Variants in IL1RAPL2 observed in about 807,000 individuals in gnomAD.
IL1RAPL2 encodes X-linked interleukin-1 receptor accessory protein-like 2.
A neutral mutation model predicts 44.1 loss-of-function variants in IL1RAPL2; 3 were observed. That is an observed-to-expected ratio of 0.07 (90% CI 0.03 to 0.18). The LOEUF is 0.18. Ranked by LOEUF, IL1RAPL2 falls within the 10% of genes least tolerant of loss-of-function variation. The pLI is 1.00. For missense variants in IL1RAPL2, 391 were observed against 496.4 expected (o/e 0.79, Z 2.02); for synonymous variants, 181 against 178.8 (o/e 1.01, Z -0.10).
chrX:105,093,670 T>G (rs1346553703), intron 2 of IL1RAPL2, among the ~76,000 whole-genome samples: 1 of 111,486 alleles, frequency 9.0e-6, no homozygotes, highest in East Asian at 2.8e-4. Context: ...GGCAAAGGGT[T>G]TGGTACAGCC....
At chrX:105,083,802 G>A (rs1312815958) in intron 2 of IL1RAPL2, among the ~76,000 whole-genome samples, 2 of 112,193 alleles carry the variant, frequency 1.8e-5, no homozygotes, top group African/African-American at 3.2e-5. Flanking sequence ...CCTTAGAAGA[G>A]CTCCTGAAGG....
At chrX:105,048,187 G>A (rs1292161033) in intron 2 of IL1RAPL2, among the ~76,000 whole-genome samples, 1 of 111,966 alleles carries the variant, frequency 8.9e-6, no homozygotes, top group Non-Finnish European at 1.9e-5. Context: ...TTCCTCAAAA[G>A]ATATTAATGA....
chrX:105,129,149 G>T (rs145009543), intron 2 of IL1RAPL2, among the ~76,000 whole-genome samples: 52 of 110,756 alleles, frequency 4.7e-4, no homozygotes, highest in African/African-American at 1.6e-3. Context: ...ATAAACAAGA[G>T]AAACTTGTTT....
rs766615732 is a variant in IL1RAPL2 at position 105,755,341 on chromosome X, A to T, written c.1357A>T (p.Ser453Cys). Residue 453 changes from serine (S) to cysteine (C), a missense_variant, in exon 10 of 11, where the codon AGT (serine) becomes TGT (cysteine). Physicochemically the swap from Ser to Cys is moderately radical, Grantham distance 112. This residue lies in a region of IL1RAPL2 where 232 missense variants were observed against 244.8 expected (regional missense o/e 0.95). Transcript: ENST00000372582. ...LFIPERDLIP[S>C]GTYMEDLTRY... ...CATCCCAGAAAGAGACCTGATTCCA[A>T]GTGGAAGTAAGTACTTTCAAATTTT... The T allele has an allele frequency of 1.7e-6, 2 of 1,180,721 alleles. No individual in the cohort carries two copies. The highest frequency in any genetic ancestry group is 3.8e-5 in the South Asian group (2 of 52,729).
chrX:105,298,441 A>C (rs538900309), intron 5 of IL1RAPL2, among the ~76,000 whole-genome samples: 1 of 111,081 alleles, frequency 9.0e-6, no homozygotes, highest in African/African-American at 3.3e-5. Flanking sequence ...TTTGTCACCT[A>C]ATCAACTGAG....
intron 5 of IL1RAPL2, among the ~76,000 whole-genome samples, chrX:105,275,404 C>T (rs1301614399): frequency 8.9e-6 from 1 of 111,898 alleles, no homozygotes; most frequent in Non-Finnish European, 1.9e-5. Flanking sequence ...ATAACATCAA[C>T]AGTTGAAATA....
chrX:105,459,340 C>T (rs758436804), intron 5 of IL1RAPL2, among the ~76,000 whole-genome samples: 20 of 111,508 alleles, frequency 1.8e-4, no homozygotes, highest in Non-Finnish European at 3.2e-4. Context: ...TAATATTTCT[C>T]TCATATGTAC....
intron 6 of IL1RAPL2, among the ~76,000 whole-genome samples, chrX:105,607,375 A>G (rs1251018808): frequency 9.2e-6 from 1 of 108,571 alleles, no homozygotes; most frequent in Non-Finnish European, 1.9e-5. Flanking sequence ...CATTTATTTC[A>G]TAACAAATGG....
chrX:105,731,338 G>T (rs902312609), intron 7 of IL1RAPL2, among the ~76,000 whole-genome samples: 1 of 110,138 alleles, frequency 9.1e-6, no homozygotes, highest in Non-Finnish European at 1.9e-5. Flanking sequence ...AAGTGAACCC[G>T]AACAGACCAA....
chrX:104,916,807 T>C (rs1272952470), intron 2 of IL1RAPL2, among the ~76,000 whole-genome samples: 1 of 111,597 alleles, frequency 9.0e-6, no homozygotes, highest in Non-Finnish European at 1.9e-5. Context: ...AAAGGCCTTT[T>C]CTGCATCTAT....
At chrX:104,909,538 C>T (rs1449372134) in intron 2 of IL1RAPL2, among the ~76,000 whole-genome samples, 4 of 111,680 alleles carry the variant, frequency 3.6e-5, no homozygotes, top group Non-Finnish European at 7.5e-5. Flanking sequence ...GATGTCCTTT[C>T]TGTTTGTTAG....
At chrX:104,904,248 T>TAC (rs953363792) in intron 2 of IL1RAPL2, among the ~76,000 whole-genome samples, 41 of 109,443 alleles carry the variant, frequency 3.7e-4, no homozygotes, top group Middle Eastern at 4.7e-3. Flanking sequence ...TATATATGCA[T>TAC]ACACACACAC....
intron 6 of IL1RAPL2, among the ~76,000 whole-genome samples, chrX:105,655,529 C>T (rs2037671606): frequency 1.8e-5 from 2 of 112,319 alleles, no homozygotes. Flanking sequence ...ACAGTCTTAG[C>T]CTATTTTGCA....
intron 2 of IL1RAPL2, among the ~76,000 whole-genome samples, chrX:105,054,681 G>A (rs949974330): frequency 2.7e-5 from 3 of 112,173 alleles, no homozygotes; most frequent in Middle Eastern, 4.6e-3. Context: ...TTAGATACAC[G>A]TGGCTAGTAG....
At chrX:104,972,658 G>A (rs1245485496) in intron 2 of IL1RAPL2, among the ~76,000 whole-genome samples, 2 of 111,953 alleles carry the variant, frequency 1.8e-5, no homozygotes, top group South Asian at 3.8e-4. Flanking sequence ...CTGGATTAGA[G>A]TAATTGGGAG....
intron 2 of IL1RAPL2, among the ~76,000 whole-genome samples, chrX:104,704,009 T>A (rs1602688550): frequency 1.0e-5 from 1 of 100,234 alleles, no homozygotes; most frequent in South Asian, 4.5e-4. Flanking sequence ...CCCAGAAATC[T>A]GGGGACTTAC....
intron 5 of IL1RAPL2, among the ~76,000 whole-genome samples, chrX:105,446,166 C>T (rs2035952925): frequency 9.0e-6 from 1 of 111,615 alleles, no homozygotes; most frequent in African/African-American, 3.2e-5. Flanking sequence ...TCTTCTTACA[C>T]TTTTTGTGTT....
intron 4 of IL1RAPL2, among the ~76,000 whole-genome samples, chrX:105,266,690 T>C (rs1339134156): frequency 9.0e-6 from 1 of 111,542 alleles, no homozygotes; most frequent in Non-Finnish European, 1.9e-5. Context: ...TCTGTGGTTA[T>C]ATATCACTGA....
chrX:104,748,167 G>A (rs1390448771), intron 2 of IL1RAPL2, among the ~76,000 whole-genome samples: 4 of 111,335 alleles, frequency 3.6e-5, no homozygotes, highest in Non-Finnish European at 7.5e-5. Context: ...AGGACAAAGA[G>A]GTACATGTTA....
Sources: gnomAD v4.1 joint callset for allele counts (sites outside exome capture counted in the v4.1 genomes callset) on GRCh38, gnomAD v4.1.1 for gene constraint, gnomAD v4.1.1 regional missense constraint, MANE v1.5 for transcripts, NCBI Gene and HGNC (gene_info 2026-07-23, HGNC 2026-07-21) for gene names.